Variants in SCOC observed in about 807,000 individuals in gnomAD.
SCOC encodes the protein short coiled-coil protein, also known as short coiled coil protein.
In SCOC, 7 loss-of-function variants were observed where a neutral mutation model predicts 9.9. The observed-to-expected ratio is 0.71, with a 90% CI of 0.40 to 1.33. The LOEUF (loss-of-function observed/expected upper bound fraction) is 1.33, where lower values mean the gene tolerates loss of function less well. Ranked by LOEUF, SCOC falls within the 40% of genes most tolerant of loss-of-function variation. The pLI, the probability that SCOC is intolerant of heterozygous loss-of-function variation, is 0.01. For missense variants in SCOC, 66 were observed against 89.7 expected, an observed-to-expected ratio of 0.74 and a Z score of 1.07; for synonymous variants, 19 against 28.2, an observed-to-expected ratio of 0.67 and a Z score of 1.03.
chr4:140,373,496 G>T (rs1196403012), upstream of SCOC: 1 of 1,551,474 alleles, frequency 6.4e-7, no homozygotes, highest in South Asian at 1.2e-5. Context: ...GGTGGATCCC[G>T]GTGCTTTGAG....
At chr4:140,308,246 C>T (rs1003170534) in intron 1 of SCOC, among the ~76,000 whole-genome samples, 2 of 152,178 alleles carry the variant, frequency 1.3e-5, no homozygotes, top group Non-Finnish European at 2.9e-5. Flanking sequence ...GAGATTGGCC[C>T]ATATTCCCTA....
intron 1 of SCOC, among the ~76,000 whole-genome samples, chr4:140,303,238 GA>G (rs960780424): frequency 6.6e-6 from 1 of 152,074 alleles, no homozygotes; most frequent in African/African-American, 2.4e-5. Context: ...AGGGTTTACA[GA>G]AAAAAAATTA....
At chr4:140,294,677 A>G (rs148546692) in intron 1 of SCOC, among the ~76,000 whole-genome samples, 1 of 152,278 alleles carries the variant, frequency 6.6e-6, no homozygotes, top group East Asian at 1.9e-4. Context: ...TCTGGCCACT[A>G]TGTTTCAAGT....
At chr4:140,338,921 A>C (rs61234804), upstream of SCOC, among the ~76,000 whole-genome samples, 29,927 of 152,124 alleles carry the variant, frequency 0.2, 3,828 homozygotes, top group African/African-American at 0.36. Context: ...GCTACCAATG[A>C]CTTTCTTCAC....
At chr4:140,266,773 A>T (rs1323433321) in intron 1 of SCOC, among the ~76,000 whole-genome samples, 2 of 152,216 alleles carry the variant, frequency 1.3e-5, no homozygotes, top group Non-Finnish European at 2.9e-5. Context: ...GTTCCCAAAG[A>T]TTAAGTTTTC....
chr4:140,352,301 AG>A (rs1433681821), intron 2 of SCOC, among the ~76,000 whole-genome samples: 1 of 152,218 alleles, frequency 6.6e-6, no homozygotes, highest in Non-Finnish European at 1.5e-5. Context: ...AATGGCAAAA[AG>A]TTTCAGCAAA....
chr4:140,370,530 A>G (rs896274556), upstream of SCOC, among the ~76,000 whole-genome samples: 3 of 152,214 alleles, frequency 2.0e-5, no homozygotes, highest in Non-Finnish European at 4.4e-5. Flanking sequence ...GTTCACTAGA[A>G]TAATTAAAAG....
At chr4:140,312,029 A>G (rs1454319842) in intron 1 of SCOC, among the ~76,000 whole-genome samples, 1 of 152,228 alleles carries the variant, frequency 6.6e-6, no homozygotes, top group African/African-American at 2.4e-5. Context: ...AAATAGTTAT[A>G]TTGCTTTCTG....
intron 1 of SCOC, among the ~76,000 whole-genome samples, chr4:140,259,928 C>T (rs1187723972): frequency 6.6e-6 from 1 of 152,184 alleles, no homozygotes; most frequent in Non-Finnish European, 1.5e-5. Flanking sequence ...TTGTTCATGC[C>T]ATTCCAGTTC....
At chr4:140,337,196 C>T (rs927409810) in intron 1 of SCOC, among the ~76,000 whole-genome samples, 2 of 152,136 alleles carry the variant, frequency 1.3e-5, no homozygotes, top group Admixed American at 1.3e-4. Context: ...ATTGGCTTTT[C>T]ACATTCTCGA....
chr4:140,306,095 G>C (rs538621616), intron 1 of SCOC, among the ~76,000 whole-genome samples: 1 of 152,284 alleles, frequency 6.6e-6, no homozygotes, highest in South Asian at 2.1e-4. Flanking sequence ...AGTTTATAAA[G>C]GAAAAAGGTT....
At chr4:140,281,921 TACA>T (rs1731108121) in intron 1 of SCOC, among the ~76,000 whole-genome samples, 2 of 152,180 alleles carry the variant, frequency 1.3e-5, no homozygotes, top group Non-Finnish European at 2.9e-5. Context: ...GAGGGCTCTC[TACA>T]ATGCATCTCA....
At chr4:140,267,903 C>T (rs1730764657) in intron 1 of SCOC, among the ~76,000 whole-genome samples, 1 of 152,206 alleles carries the variant, frequency 6.6e-6, no homozygotes, top group Admixed American at 6.5e-5. Flanking sequence ...GACCGATACA[C>T]TGGCCTCCGG....
At chr4:140,366,622 G>A in intron 2 of SCOC, 1 of 1,606,688 alleles carries the variant, frequency 6.2e-7, no homozygotes, top group Non-Finnish European at 8.5e-7. Flanking sequence ...ATTGATGTTT[G>A]CCTTCTGCCA....
chr4:140,272,236 T>G (rs900657616), intron 1 of SCOC, among the ~76,000 whole-genome samples: 2 of 151,562 alleles, frequency 1.3e-5, no homozygotes, highest in Non-Finnish European at 2.9e-5. Flanking sequence ...TTTTTTTTTT[T>G]TATAGACCAG....
upstream of SCOC, among the ~76,000 whole-genome samples, chr4:140,341,624 C>T (rs1479360642): frequency 6.6e-6 from 1 of 152,168 alleles, no homozygotes; most frequent in African/African-American, 2.4e-5. Context: ...AAATACTGGT[C>T]CATGATTATA....
At chr4:140,375,158 T>G (rs1728288520) in intron 1 of SCOC, among the ~76,000 whole-genome samples, 1 of 152,258 alleles carries the variant, frequency 6.6e-6, no homozygotes, top group Admixed American at 6.5e-5. Flanking sequence ...TAACTACTTC[T>G]GTGGTCTTCA....
intron 2 of SCOC, chr4:140,366,842 C>T (rs1455482191): frequency 4.5e-5 from 37 of 828,042 alleles, no homozygotes; most frequent in East Asian, 1.5e-4. Flanking sequence ...CCAACCTCCA[C>T]GAAGCGCCTG....
intron 2 of SCOC, among the ~76,000 whole-genome samples, chr4:140,359,754 T>C (rs1185486164): frequency 6.6e-6 from 1 of 152,198 alleles, no homozygotes; most frequent in Non-Finnish European, 1.5e-5. Context: ...CCCATGCAGA[T>C]ATGAGTGAGG....
Sources: gnomAD v4.1 joint callset for allele counts (sites outside exome capture counted in the v4.1 genomes callset) on GRCh38, gnomAD v4.1.1 for gene constraint, MANE v1.5 for transcripts, NCBI Gene and HGNC (gene_info 2026-07-23, HGNC 2026-07-21) for gene names.